EEFSEC: variants seen among roughly 807,000 people sequenced by gnomAD.
EEFSEC encodes eukaryotic elongation factor, selenocysteine-tRNA specific, also known as selenocysteine-specific elongation factor.
EEFSEC carries 43 observed loss-of-function variants against 42.1 expected under a neutral mutation model. The ratio of observed to expected loss-of-function variants is 1.02; its 90% CI spans 0.80 to 1.32. The LOEUF (loss-of-function observed/expected upper bound fraction) is 1.32. EEFSEC is among the 40% of genes most tolerant of loss of function. EEFSEC has a pLI of 0.00. For missense variants in EEFSEC, 745 were observed against 803.6 expected (o/e 0.93, Z 0.88); for synonymous variants, 354 against 339.1 (o/e 1.04, Z -0.48).
At chr3:128,381,667 G>T (rs1459963857) in intron 6 of EEFSEC, among the ~76,000 whole-genome samples, 2 of 152,176 alleles carry the variant, frequency 1.3e-5, no homozygotes, top group Non-Finnish European at 2.9e-5. Flanking sequence ...GGGGTAGTTG[G>T]TCAGGCCCAG....
At chr3:128,237,361 T>C (rs1043802394) in intron 1 of EEFSEC, among the ~76,000 whole-genome samples, 1 of 152,248 alleles carries the variant, frequency 6.6e-6, no homozygotes, top group African/African-American at 2.4e-5. Flanking sequence ...TTCTCACCCT[T>C]TCTTTCAGTA....
At chr3:128,400,934 G>A (rs746384419) in intron 6 of EEFSEC, among the ~76,000 whole-genome samples, 33 of 152,190 alleles carry the variant, frequency 2.2e-4, no homozygotes, top group Non-Finnish European at 4.0e-4. Flanking sequence ...GTGTCTCCAC[G>A]GGAAGCCATG....
At chr3:128,302,883 C>T (rs538772490) in intron 4 of EEFSEC, among the ~76,000 whole-genome samples, 215 of 152,256 alleles carry the variant, frequency 1.4e-3, no homozygotes, top group African/African-American at 4.7e-3. Flanking sequence ...TGTATATTTA[C>T]ATCTGTCTCA....
chr3:128,409,343 C>A (rs1184728702), downstream of EEFSEC, among the ~76,000 whole-genome samples: 1 of 151,402 alleles, frequency 6.6e-6, no homozygotes, highest in Non-Finnish European at 1.5e-5. Flanking sequence ...ATGACTTGGG[C>A]CTGTTAAGCC....
intron 4 of EEFSEC, among the ~76,000 whole-genome samples, chr3:128,333,879 C>T (rs1426469578): frequency 2.0e-5 from 3 of 152,176 alleles, no homozygotes; most frequent in Non-Finnish European, 4.4e-5. Flanking sequence ...GAAAGACAGT[C>T]GAAAAGCCAG....
At chr3:128,190,851 A>G (rs1244162548) in intron 1 of EEFSEC, among the ~76,000 whole-genome samples, 1 of 152,250 alleles carries the variant, frequency 6.6e-6, no homozygotes, top group East Asian at 1.9e-4. Flanking sequence ...AAGTACACAG[A>G]TACCACTGGG....
At chr3:128,173,689 T>C (rs1325675289) in intron 1 of EEFSEC, among the ~76,000 whole-genome samples, 3 of 152,240 alleles carry the variant, frequency 2.0e-5, no homozygotes, top group African/African-American at 7.2e-5. Context: ...CTGCACAGCC[T>C]ATCTGGTCTT....
intron 1 of EEFSEC, among the ~76,000 whole-genome samples, chr3:128,157,282 G>C (rs1481230586): frequency 6.6e-6 from 1 of 152,198 alleles, no homozygotes; most frequent in African/African-American, 2.4e-5. Context: ...TTTGAGGAAA[G>C]AGGCCATCTC....
chr3:128,338,801 G>T (rs2067218974), intron 4 of EEFSEC, among the ~76,000 whole-genome samples: 1 of 152,126 alleles, frequency 6.6e-6, no homozygotes, highest in African/African-American at 2.4e-5. Context: ...TTGTGGGGCG[G>T]TGGAGGGGGT....
intron 4 of EEFSEC, among the ~76,000 whole-genome samples, chr3:128,307,598 G>A (rs113802055): frequency 2.1e-4 from 32 of 152,316 alleles, no homozygotes; most frequent in African/African-American, 6.5e-4. Context: ...GCGAATATTG[G>A]CTGGATGAAC....
intron 4 of EEFSEC, among the ~76,000 whole-genome samples, chr3:128,314,167 A>G (rs1249971408): frequency 6.6e-6 from 1 of 152,194 alleles, no homozygotes; most frequent in African/African-American, 2.4e-5. Flanking sequence ...ACTGTTGGTA[A>G]GAACAGCTGT....
chr3:128,404,436 T>C (rs962775504), intron 6 of EEFSEC, among the ~76,000 whole-genome samples: 3 of 152,254 alleles, frequency 2.0e-5, no homozygotes, highest in Non-Finnish European at 4.4e-5. Context: ...GGACTGCCGA[T>C]TGGGCCACGC....
intron 6 of EEFSEC, among the ~76,000 whole-genome samples, chr3:128,400,748 C>T (rs952144155): frequency 6.6e-6 from 1 of 152,238 alleles, no homozygotes; most frequent in African/African-American, 2.4e-5. Flanking sequence ...GGCAATTTGC[C>T]GGCCTTTGAT....
Position 128,247,100 on chromosome 3 carries a change from A to G in EEFSEC, c.524+57A>G, listed in dbSNP as rs1367144784. The G allele has an allele frequency of 7.7e-6, 12 of 1,560,686 alleles. No homozygotes were observed. In the Admixed American group the frequency reaches 2.0e-4, roughly 27 times the overall value. On this transcript the variant is annotated intron_variant, in intron 2 of 6. Transcript: ENST00000254730. The stretch of plus-strand genomic sequence containing the variant: ...CATAAGAAGGCTTCTGGGGCCTCCC[A>G]TGTTCATTTCACAAACATGAATTGG...
chr3:128,418,619 A>C, the EEFSEC span, among the ~76,000 whole-genome samples: 1 of 129,930 alleles, frequency 7.7e-6, no homozygotes, highest in Non-Finnish European at 1.6e-5. Context: ...TCTGCCCAGC[A>C]CCCCCTACTC....
intron 4 of EEFSEC, among the ~76,000 whole-genome samples, chr3:128,303,792 C>T (rs1323382565): frequency 1.3e-5 from 2 of 152,140 alleles, no homozygotes; most frequent in African/African-American, 2.4e-5. Flanking sequence ...TTCACCCATA[C>T]GTTCTTCTGA....
Position 128,164,712 on chromosome 3 carries a change from G to A in EEFSEC, c.316+10889G>A, listed in dbSNP as rs181995639. The stretch of plus-strand genomic sequence containing the variant: ...GTAAACAAGGACCTAGAGACAAAGG[G>A]AGGGCTGGAGTGTGACTGGGGTATC... On this transcript the variant is annotated intron_variant, in intron 1 of 6. Coordinates refer to ENST00000254730, the MANE Select transcript of EEFSEC (RefSeq NM_021937.5). 2.2e-3 allele frequency among the ~76,000 whole-genome samples: 332 copies of A among 152,312 alleles called. 1 individual carries two copies. Among genetic ancestry groups the A allele is most frequent in the Non-Finnish European group, 3.7e-3 (251 of 68,030 alleles).
intron 4 of EEFSEC, among the ~76,000 whole-genome samples, chr3:128,293,618 G>A (rs1305171305): frequency 7.2e-6 from 1 of 138,200 alleles, no homozygotes; most frequent in African/African-American, 2.8e-5. Flanking sequence ...CTGAGATCAC[G>A]CCACTGCACT....
intron 1 of EEFSEC, among the ~76,000 whole-genome samples, chr3:128,213,387 G>A (rs1336180275): frequency 2.0e-5 from 3 of 152,192 alleles, no homozygotes; most frequent in Admixed American, 2.0e-4. Flanking sequence ...GATTTGGAGG[G>A]TGTGGGTAAG....
Sources: allele counts gnomAD v4.1 joint callset (sites outside exome capture counted in the v4.1 genomes callset), GRCh38; gene constraint gnomAD v4.1.1; transcripts MANE v1.5; gene names NCBI Gene and HGNC (gene_info 2026-07-23, HGNC 2026-07-21).